The following ANKRD44 variants were observed in gnomAD, a reference collection of about 807,000 sequenced individuals.
The protein encoded by ANKRD44 is serine/threonine-protein phosphatase 6 regulatory ankyrin repeat subunit B.
In ANKRD44, 35 loss-of-function variants were observed where a neutral mutation model predicts 116.0. That is an observed-to-expected ratio of 0.30 (90% CI 0.23 to 0.40). The LOEUF (loss-of-function observed/expected upper bound fraction) is 0.40. Ranked by LOEUF, ANKRD44 falls within the 10% of genes least tolerant of loss-of-function variation. The pLI is 1.00. For synonymous variants in ANKRD44, 435 were observed against 461.8 expected, an observed-to-expected ratio of 0.94 and a Z score of 0.74; for missense variants, 1,014 against 1,242.6, an observed-to-expected ratio of 0.82 and a Z score of 2.77.
intron 2 of ANKRD44, among the ~76,000 whole-genome samples, chr2:197,173,460 T>C (rs2080289642): frequency 1.3e-5 from 2 of 152,222 alleles, no homozygotes; most frequent in Admixed American, 1.3e-4. Context: ...CGAGTTGTCA[T>C]GTTATAGCAA....
chr2:197,007,712 CCAAT>C, intron 20 of ANKRD44, 90 bp downstream of exon 20: 2 of 814,010 alleles, frequency 2.5e-6, no homozygotes, highest in Non-Finnish European at 4.0e-6. Flanking sequence ...TGCTAAAAAT[CCAAT>C]CAAAGTAGGC....
intron 16 of ANKRD44, among the ~76,000 whole-genome samples, chr2:197,027,546 C>CA: frequency 6.6e-6 from 1 of 152,180 alleles, no homozygotes; most frequent in East Asian, 1.9e-4. Flanking sequence ...CAGGAAGACT[C>CA]AGACTGAGCA....
At position 197,062,014 on chromosome 2, in the gene ANKRD44, C is replaced by T. The variant is rs1264193671; in HGVS notation, c.1650+16689G>A. ...CAGGCTGGTCTTGAACACCTGACCT[C>T]GGGTGATCCACCCGCCTCGGCCTCC... is the stretch of plus-strand genomic sequence containing the variant. On this transcript the variant is annotated intron_variant, in intron 16 of 27. Transcript: ENST00000282272. Among the ~76,000 whole-genome samples the T allele has an allele frequency of 3.3e-5, 5 of 152,122 alleles. No homozygotes were observed. The East Asian group carries it at 5.8e-4, about 18-fold the overall frequency.
At chr2:197,084,917 T>C (rs914975577) in intron 13 of ANKRD44, among the ~76,000 whole-genome samples, 1 of 152,222 alleles carries the variant, frequency 6.6e-6, no homozygotes, top group African/African-American at 2.4e-5. Context: ...TTAGTTTCTT[T>C]GGACTCAGCT....
chr2:197,071,206 T>C (rs2077551524), intron 16 of ANKRD44, among the ~76,000 whole-genome samples: 1 of 152,184 alleles, frequency 6.6e-6, no homozygotes, highest in African/African-American at 2.4e-5. Context: ...ATTTCATTTA[T>C]TTCTGCCTCC....
chr2:197,298,566 G>A (rs1472423481), intron 1 of ANKRD44, among the ~76,000 whole-genome samples: 1 of 152,150 alleles, frequency 6.6e-6, no homozygotes, highest in Non-Finnish European at 1.5e-5. Flanking sequence ...AAGGTGGCAG[G>A]AAGAAGTAAA....
At chr2:197,029,412 T>A in intron 16 of ANKRD44, 1 of 310,122 alleles carries the variant, frequency 3.2e-6, no homozygotes. Flanking sequence ...TTTGGAGCTC[T>A]AGGCTTTTCA....
At chr2:197,226,372 T>C (rs761212712) in intron 1 of ANKRD44, among the ~76,000 whole-genome samples, 13 of 152,088 alleles carry the variant, frequency 8.5e-5, no homozygotes, top group Non-Finnish European at 1.9e-4. Context: ...CAATATTTCT[T>C]AAGAGTTTCC....
intron 16 of ANKRD44, among the ~76,000 whole-genome samples, chr2:197,040,099 T>C (rs984578312): frequency 6.6e-6 from 1 of 151,714 alleles, no homozygotes; most frequent in Admixed American, 6.6e-5. Flanking sequence ...ATTAGCCAGG[T>C]GTGGTGGTGT....
chr2:197,103,200 C>A (rs893377394), intron 9 of ANKRD44, among the ~76,000 whole-genome samples: 3 of 144,232 alleles, frequency 2.1e-5, no homozygotes, highest in Admixed American at 7.1e-5. Flanking sequence ...TGCGCTCCAG[C>A]CTGGGCGACA....
rs994331834 is a variant in ANKRD44, at chr2:197,162,627, A to G, written c.112-15522T>C. On this transcript the variant is annotated intron_variant, in intron 2 of 27. Coordinates refer to ENST00000282272, the MANE Select transcript of ANKRD44 (RefSeq NM_001195144.2). ...TAATTTAAGATTTTTGGGTCACTCG[A>G]AAGTCTTTTCACACTGAGCTCAAGT... is the stretch of plus-strand genomic sequence containing the variant. Among the ~76,000 whole-genome samples, 137 of 152,298 alleles carry G rather than the reference A, an allele frequency of 9.0e-4. 1 individual carries two copies. The highest frequency in any genetic ancestry group is 8.8e-5 in the Non-Finnish European group (6 of 68,020).
chr2:197,095,864 A>C (rs7567797), intron 10 of ANKRD44, among the ~76,000 whole-genome samples: 109 of 152,368 alleles, frequency 7.2e-4, no homozygotes, highest in African/African-American at 2.5e-3. Context: ...TTGTGCAGTT[A>C]ACATGAATGG....
rs553282213 is a variant in ANKRD44 at position 197,266,666 on chromosome 2, T to C, written c.27+43912A>G. 5.3e-5 allele frequency among the ~76,000 whole-genome samples: 8 copies of C among 151,372 alleles called. No individual in the cohort carries two copies. In the South Asian group the frequency reaches 1.7e-3, roughly 32 times the overall value. ...ACTCTGTATAACCTCAGGCAAGTCA[T>C]TGCACCTTTCTATTCTGCCATTTCC... On this transcript the variant is annotated intron_variant, in intron 1 of 27. Transcript: ENST00000282272.
intron 1 of ANKRD44, among the ~76,000 whole-genome samples, chr2:197,308,586 C>T (rs896780627): frequency 5.9e-5 from 9 of 151,408 alleles, no homozygotes; most frequent in Middle Eastern, 3.4e-3. Context: ...GCCTTAGGTT[C>T]TTTTTACGTA....
At chr2:197,242,258 GATCT>G (rs1315593577) in intron 1 of ANKRD44, among the ~76,000 whole-genome samples, 3 of 152,040 alleles carry the variant, frequency 2.0e-5, no homozygotes, top group African/African-American at 7.3e-5. Flanking sequence ...AGTTATAACA[GATCT>G]ATGTAGCAAA....
At chr2:196,968,282 G>A (rs931601027) in intron 21 of ANKRD44, among the ~76,000 whole-genome samples, 4 of 152,204 alleles carry the variant, frequency 2.6e-5, no homozygotes, top group African/African-American at 9.6e-5. Context: ...CCTCAAGGAT[G>A]TTACTGAAAT....
chr2:197,308,184 AG>A (rs1207535679), intron 1 of ANKRD44, among the ~76,000 whole-genome samples: 1 of 149,382 alleles, frequency 6.7e-6, no homozygotes, highest in African/African-American at 2.5e-5. Flanking sequence ...AAAAAAAAAA[AG>A]GAGGGAGAAA....
intron 1 of ANKRD44, among the ~76,000 whole-genome samples, chr2:197,232,543 G>T (rs547245069): frequency 3.2e-4 from 48 of 152,286 alleles, no homozygotes; most frequent in African/African-American, 1.2e-3. Context: ...TCTCTGAAAA[G>T]GACTATGTGT....
At chr2:197,105,121 G>A (rs868506851) in intron 9 of ANKRD44, among the ~76,000 whole-genome samples, 3 of 150,868 alleles carry the variant, frequency 2.0e-5, no homozygotes, top group African/African-American at 4.9e-5. Context: ...TTATTTTGGG[G>A]TTTTTTTTTG....
Sources: allele counts gnomAD v4.1 joint callset (sites outside exome capture counted in the v4.1 genomes callset), GRCh38; gene constraint gnomAD v4.1.1; transcripts MANE v1.5; gene names NCBI Gene and HGNC (gene_info 2026-07-23, HGNC 2026-07-21).